Variants in RAPH1 observed in about 807,000 individuals in gnomAD.
RAPH1 encodes the protein Ras association (RalGDS/AF-6) and pleckstrin homology domains 1.
RAPH1 carries 18 observed loss-of-function variants against 88.1 expected under a neutral mutation model. That is an observed-to-expected ratio of 0.20 (90% confidence interval 0.14 to 0.30). RAPH1 has a LOEUF of 0.30. RAPH1 is among the 10% of genes least tolerant of loss of function. The probability of loss-of-function intolerance (pLI) is 1.00; values close to 1 mark genes in which losing one functional copy is unlikely to be tolerated. For missense variants in RAPH1, 1,448 were observed against 1,543.2 expected (o/e 0.94, Z 1.03); for synonymous variants, 587 against 559.0 (o/e 1.05, Z -0.71).
In RAPH1 at chr2:203,457,448, TG is replaced by T. The variant is rs1426469050; in HGVS notation, c.1158+81del. ...ATTCACTCACCTCAGCCTCCCGAAG[TG>T]TTGGGATTGCAGGCGTGAGCCACCA... On this transcript the variant is annotated intron_variant, in intron 8 of 13. Coordinates refer to ENST00000319170, the MANE Select transcript of RAPH1 (RefSeq NM_213589.3). The T allele has an allele frequency of 2.5e-5, 26 of 1,059,068 alleles. No homozygotes were observed. In the Middle Eastern group the frequency reaches 6.1e-4, roughly 25 times the overall value. 65.6% of individuals were successfully genotyped at this position (1,059,068 alleles called of 1,614,324 possible).
intron 1 of RAPH1, among the ~76,000 whole-genome samples, chr2:203,499,585 C>T (rs770423308): frequency 6.6e-5 from 10 of 152,002 alleles, no homozygotes; most frequent in South Asian, 2.1e-4. Context: ...TGGTGGCGGG[C>T]GCCTGTAATC....
Position 203,440,536 on chromosome 2 carries a change from G to C in RAPH1, c.2654C>G (p.Pro885Arg), listed in dbSNP as rs762692444. The change falls in exon 14 of 14, where the codon CCT becomes CGT. Residue 885 changes from proline (P) to arginine (R), a missense_variant. Physicochemically the swap from Pro to Arg is moderately radical, Grantham distance 103 (BLOSUM62 -2). Around this residue, in one of 2 missense-constraint regions of RAPH1, gnomAD observed 935 missense variants for 890.1 expected, o/e 1.05. Transcript: ENST00000319170. ...CTGTGGAGCTACATTTGCTGGGACA[G>C]GCTTTAAGGGCTGAGATTCCATGGC... is the stretch of plus-strand genomic sequence containing the variant. ...PPAMESQPLK[P>R]VPANVAPQSP... The C allele has an allele frequency of 1.3e-6, 2 of 1,542,130 alleles. No homozygotes were observed. Among genetic ancestry groups the C allele is most frequent in the Non-Finnish European group, 1.7e-6 (2 of 1,145,272 alleles).
intron 13 of RAPH1, chr2:203,441,633 A>C (rs55881728): frequency 1.5e-6 from 2 of 1,337,710 alleles, no homozygotes; most frequent in Non-Finnish European, 1.9e-6. Flanking sequence ...TTTACCCCAC[A>C]GTAAAATAGC....
At chr2:203,474,286 AGTTACTGGTAT>A in intron 4 of RAPH1, among the ~76,000 whole-genome samples, 1 of 152,206 alleles carries the variant, frequency 6.6e-6, no homozygotes, top group Non-Finnish European at 1.5e-5. Context: ...GGAGAGGGAG[AGTTACTGGTAT>A]TTATTGGGAA....
At chr2:203,531,527 C>T (rs1490156284) in intron 1 of RAPH1, among the ~76,000 whole-genome samples, 1 of 152,064 alleles carries the variant, frequency 6.6e-6, no homozygotes, top group East Asian at 1.9e-4. Flanking sequence ...CAAAGAACTC[C>T]TACAACTCAC....
At chr2:203,442,201 A>G (rs2098504877) in intron 13 of RAPH1, 3 of 1,022,778 alleles carry the variant, frequency 2.9e-6, no homozygotes, top group South Asian at 2.1e-5. Context: ...AAGAAAATGT[A>G]TCAAGAAATG....
chr2:203,464,778 G>A lies in RAPH1; in HGVS notation c.733-2853C>T, dbSNP rs186305836. ...TAAAGAACTGTTATAAAAAAAAAGA[G>A]AGAGAGAGCTCTTAAAATTCTTTAA... On this transcript the variant is annotated intron_variant, in intron 4 of 13. Transcript: ENST00000319170. Among the ~76,000 whole-genome samples, 117 of 152,128 alleles carry A rather than the reference G, an allele frequency of 7.7e-4. 1 individual carries two copies. Among genetic ancestry groups the A allele is most frequent in the Middle Eastern group, 3.4e-3 (1 of 294 alleles).
At position 203,440,439 on chromosome 2, in the gene RAPH1, A is replaced by G. The variant is rs780862039; in HGVS notation, c.2751T>C (p.Pro917=). ...CCAGGCTGCTTTCAGGAGGGGGAGG[A>G]GGGAAGTCCGGAGAAGGGACTGGGA... The part of the protein sequence containing the change: ...SSIPVPSPDF[P]PPPPESSLVF... Residue 917 remains proline (P), a synonymous_variant, in exon 14 of 14, where the codon CCT becomes CCC. Transcript: ENST00000319170. 1.3e-6 allele frequency: 2 copies of G among 1,543,922 alleles called. No individual in the cohort carries two copies.
intron 1 of RAPH1, among the ~76,000 whole-genome samples, chr2:203,511,316 A>C (rs1689333002): frequency 6.6e-6 from 1 of 152,192 alleles, no homozygotes; most frequent in Non-Finnish European, 1.5e-5. Flanking sequence ...GTTTAAAGAA[A>C]TATTAATCAA....
At chr2:203,461,159 A>ATG in intron 6 of RAPH1, 90 bp downstream of exon 6, 1 of 591,588 alleles carries the variant, frequency 1.7e-6, no homozygotes, top group East Asian at 3.7e-5. Flanking sequence ...ATATATATAT[A>ATG]TAAAGATAAC....
intron 4 of RAPH1, among the ~76,000 whole-genome samples, chr2:203,483,711 G>T (rs1687830838): frequency 6.6e-6 from 1 of 152,110 alleles, no homozygotes; most frequent in African/African-American, 2.4e-5. Flanking sequence ...CCTCATTGTG[G>T]GTAGGCACTA....
intron 1 of RAPH1, among the ~76,000 whole-genome samples, chr2:203,527,723 C>A (rs1258500055): frequency 6.6e-6 from 1 of 150,420 alleles, no homozygotes; most frequent in African/African-American, 2.5e-5. Flanking sequence ...TCGCTTGAAC[C>A]CGGGAGGCGA....
At chr2:203,485,410 CAAAAA>C (rs71007521) in intron 4 of RAPH1, among the ~76,000 whole-genome samples, 3 of 93,464 alleles carry the variant, frequency 3.2e-5, no homozygotes, top group African/African-American at 7.9e-5. Flanking sequence ...GACTCTGTCT[CAAAAA>C]AAAAAAAAAA....
intron 4 of RAPH1, among the ~76,000 whole-genome samples, chr2:203,464,934 T>C (rs1454988826): frequency 6.6e-6 from 1 of 152,102 alleles, no homozygotes; most frequent in Non-Finnish European, 1.5e-5. Flanking sequence ...ACAAGTAAAA[T>C]GAGATACCAC....
At chr2:203,531,399 T>C (rs1473558055) in intron 1 of RAPH1, among the ~76,000 whole-genome samples, 1 of 144,382 alleles carries the variant, frequency 6.9e-6, no homozygotes, top group African/African-American at 2.9e-5. Flanking sequence ...GAACTTGAAG[T>C]ATAAAAAAAA....
rs71408943 is a variant in RAPH1 at position 203,517,359 on chromosome 2, C to CAAAAAAAAAAAAAAAAAAAAAAAAAAAAA, written c.-1+17751_-1+17752insTTTTTTTTTTTTTTTTTTTTTTTTTTTTT. ...CAACAGAGCATCAAACTATGAGAGG[C>CAAAAAAAAAAAAAAAAAAAAAAAAAAAAA]AAAAAAAAAAAAAAAAAAAAAAAAG... is the stretch of plus-strand genomic sequence containing the variant. On this transcript the variant is annotated intron_variant, in intron 1 of 13. Transcript: ENST00000319170. Among the ~76,000 whole-genome samples, 7 of 32,156 alleles carry CAAAAAAAAAAAAAAAAAAAAAAAAAAAAA rather than the reference C, an allele frequency of 2.2e-4. 1 individual carries two copies. The highest frequency in any genetic ancestry group is 1.8e-4 in the Non-Finnish European group (3 of 16,528). 21.1% of individuals were successfully genotyped at this position (32,156 alleles called of 152,430 possible).
intron 8 of RAPH1, among the ~76,000 whole-genome samples, chr2:203,456,489 A>G (rs1433781829): frequency 6.6e-6 from 1 of 152,182 alleles, no homozygotes; most frequent in African/African-American, 2.4e-5. Flanking sequence ...AACACTCAAA[A>G]TTCTAAGTTC....
chr2:203,530,207 C>T lies in RAPH1; in HGVS notation c.-1+4904G>A, dbSNP rs138827401. On this transcript the variant is annotated intron_variant, in intron 1 of 13. Coordinates refer to ENST00000319170, the MANE Select transcript of RAPH1 (RefSeq NM_213589.3). Reference sequence around the variant, plus strand: ...ATATGAAAAAGCTTTAGAGATCATACAGTCTGGAGTTTTAAAAACTATTTC... The same window carrying T: ...ATATGAAAAAGCTTTAGAGATCATATAGTCTGGAGTTTTAAAAACTATTTC... Among the ~76,000 whole-genome samples, 416 of 152,262 alleles carry T rather than the reference C, an allele frequency of 2.7e-3. 4 individuals carry two copies. Among genetic ancestry groups the T allele is most frequent in the African/African-American group, 9.1e-3 (380 of 41,560 alleles).
At chr2:203,528,110 A>G (rs1440948148) in intron 1 of RAPH1, among the ~76,000 whole-genome samples, 1 of 152,174 alleles carries the variant, frequency 6.6e-6, no homozygotes, top group Non-Finnish European at 1.5e-5. Flanking sequence ...AGAGTTCTAA[A>G]TTTGCTGAAT....
Sources: allele counts gnomAD v4.1 joint callset (sites outside exome capture counted in the v4.1 genomes callset), GRCh38; gene constraint gnomAD v4.1.1; regional missense constraint gnomAD v4.1.1; transcripts MANE v1.5; gene names NCBI Gene and HGNC (gene_info 2026-07-23, HGNC 2026-07-21).